The following PAQR5 variants were observed in gnomAD, a reference collection of about 807,000 sequenced individuals.
PAQR5 encodes the protein progestin and adipoQ receptor family member 5.
In PAQR5, 20 loss-of-function variants were observed where a neutral mutation model predicts 34.5. The ratio of observed to expected loss-of-function variants is 0.58; its 90% CI spans 0.41 to 0.84. The LOEUF is 0.84. Among genes scored for constraint, PAQR5 ranks in the 40% least tolerant of loss-of-function variants. The pLI is 0.00. For synonymous variants in PAQR5, 131 were observed against 155.6 expected, an observed-to-expected ratio of 0.84 and a Z score of 1.18; for missense variants, 378 against 412.7, an observed-to-expected ratio of 0.92 and a Z score of 0.73.
At chr15:69,369,298 G>T (rs2055489665) in intron 3 of PAQR5, among the ~76,000 whole-genome samples, 1 of 152,158 alleles carries the variant, frequency 6.6e-6, no homozygotes, top group African/African-American at 2.4e-5. Flanking sequence ...CACTTTGGGA[G>T]GCCAAGGCAG....
chr15:69,330,741 T>C (rs565463081), intron 1 of PAQR5, among the ~76,000 whole-genome samples: 4 of 152,320 alleles, frequency 2.6e-5, no homozygotes, highest in Non-Finnish European at 2.9e-5. Flanking sequence ...GGAGACTTAT[T>C]TGAGTAATGA....
intron 1 of PAQR5, among the ~76,000 whole-genome samples, chr15:69,310,636 G>A (rs904165429): frequency 6.6e-6 from 1 of 152,084 alleles, no homozygotes; most frequent in Non-Finnish European, 1.5e-5. Flanking sequence ...TTGAAGTATT[G>A]GAGAAACTAG....
At chr15:69,322,762 A>AGGG (rs1566997916) in intron 1 of PAQR5, among the ~76,000 whole-genome samples, 593 of 46,768 alleles carry the variant, frequency 0.013, 14 homozygotes, top group Non-Finnish European at 0.019. Flanking sequence ...GAAGAAGAAG[A>AGGG]AGAAGAAGAG....
intron 5 of PAQR5, among the ~76,000 whole-genome samples, chr15:69,388,669 G>A (rs1451850928): frequency 6.6e-6 from 1 of 152,262 alleles, no homozygotes; most frequent in East Asian, 1.9e-4. Flanking sequence ...GCTGCAGCTG[G>A]GAGTATGGGA....
intron 1 of PAQR5, among the ~76,000 whole-genome samples, chr15:69,312,342 G>T (rs945929211): frequency 1.3e-5 from 2 of 151,990 alleles, no homozygotes; most frequent in Admixed American, 6.6e-5. Context: ...GGGCTTGAAG[G>T]TGCCTATGAT....
intron 1 of PAQR5, among the ~76,000 whole-genome samples, chr15:69,308,957 G>C (rs754322652): frequency 3.5e-4 from 53 of 152,166 alleles, no homozygotes; most frequent in Admixed American, 1.4e-3. Context: ...GTTTGGACAT[G>C]AGAGTGCTAA....
At chr15:69,378,148 C>T (rs2055761358) in intron 3 of PAQR5, among the ~76,000 whole-genome samples, 1 of 151,144 alleles carries the variant, frequency 6.6e-6, no homozygotes, top group Non-Finnish European at 1.5e-5. Context: ...CTTGTAATCC[C>T]CGCTACCCGA....
At chr15:69,325,769 C>T (rs752244663) in intron 1 of PAQR5, among the ~76,000 whole-genome samples, 1 of 152,156 alleles carries the variant, frequency 6.6e-6, no homozygotes, top group Non-Finnish European at 1.5e-5. Context: ...AAACACGTGA[C>T]CCCTCCTGTC....
chr15:69,397,745 G>C, intron 7 of PAQR5, 181 bp downstream of exon 7: 1 of 613,298 alleles, frequency 1.6e-6, no homozygotes, highest in Non-Finnish European at 2.9e-6. Context: ...GGTGGGACGA[G>C]AGACTGAGAA....
At chr15:69,379,791 G>A in intron 3 of PAQR5, 92 bp from the exon 4 acceptor site, 1 of 1,485,090 alleles carries the variant, frequency 6.7e-7, no homozygotes, top group Non-Finnish European at 9.1e-7. Context: ...AGCGTTCCAG[G>A]CACACAGAGC....
At chr15:69,352,966 A>G (rs75286706) in intron 2 of PAQR5, among the ~76,000 whole-genome samples, 5,280 of 152,304 alleles carry the variant, frequency 0.035, 181 homozygotes, top group East Asian at 0.12. Context: ...GGAGGACTTT[A>G]ATAATCAAGT....
At chr15:69,328,359 G>A (rs535625114) in intron 1 of PAQR5, among the ~76,000 whole-genome samples, 2 of 152,308 alleles carry the variant, frequency 1.3e-5, no homozygotes, top group South Asian at 2.1e-4. Flanking sequence ...CATGTTCAAG[G>A]GCACCAGTTA....
intron 1 of PAQR5, among the ~76,000 whole-genome samples, chr15:69,324,753 C>T (rs1193695302): frequency 2.0e-5 from 3 of 152,146 alleles, no homozygotes; most frequent in African/African-American, 4.8e-5. Context: ...CCATACCCTG[C>T]GTACTTCCGT....
chr15:69,360,114 A>G lies in PAQR5; in HGVS notation c.34A>G (p.Ile12Val), dbSNP rs2055193573. 1 of 1,613,436 alleles carries G rather than the reference A, an allele frequency of 6.2e-7. No homozygotes were observed. Among genetic ancestry groups the G allele is most frequent in the African/African-American group, 1.3e-5 (1 of 74,908 alleles). Residue 12 changes from isoleucine to valine, a missense_variant, in exon 3 of 9, where the codon ATA (isoleucine) becomes GTA (valine). Coordinates refer to ENST00000395407, the MANE Select transcript of PAQR5 (RefSeq NM_017705.4). The stretch of plus-strand genomic sequence containing the variant: ...CCTGAAGCTCCCCAGGCTGTTTAGC[A>G]TAGACCAGATACCCCAGGTATGTGC... The part of the protein sequence containing the change: ...LSLKLPRLFS[I>V]DQIPQVFHEQ...
At position 69,389,730 on chromosome 15, in the gene PAQR5, C is replaced by G; in HGVS notation, c.462C>G (p.Ala154=). The stretch of plus-strand genomic sequence containing the variant: ...CCACTTTCCATGACTACTACGTGGC[C>G]CTGGCTGTACTGAACACCATCCTCA... ...MCTTFHDYYV[A]LAVLNTILST... The change falls in exon 6 of 9, where the codon GCC becomes GCG. Residue 154 remains alanine, a synonymous_variant. Transcript: ENST00000395407. 6.2e-7 allele frequency: 1 copy of G among 1,614,194 alleles called. No homozygotes were observed. The highest frequency in any genetic ancestry group is 1.7e-5 in the Admixed American group (1 of 60,026).
intron 2 of PAQR5, among the ~76,000 whole-genome samples, chr15:69,357,563 C>T (rs1386967236): frequency 4.6e-5 from 7 of 152,180 alleles, no homozygotes; most frequent in Admixed American, 3.9e-4. Flanking sequence ...CACACTTGGC[C>T]TCAGGTATTT....
At chr15:69,394,115 TTTTG>T (rs1037078850) in intron 6 of PAQR5, among the ~76,000 whole-genome samples, 1 of 151,728 alleles carries the variant, frequency 6.6e-6, no homozygotes, top group Non-Finnish European at 1.5e-5. Flanking sequence ...TTTTTTTGTT[TTTTG>T]TTTTTTTTTT....
chr15:69,335,550 T>TTG (rs2054495108), intron 1 of PAQR5, among the ~76,000 whole-genome samples: 1 of 131,304 alleles, frequency 7.6e-6, no homozygotes, highest in Non-Finnish European at 1.6e-5. Flanking sequence ...CAGTTTTTTT[T>TTG]TTTTTTTTTT....
intron 3 of PAQR5, 69 bp from the exon 4 acceptor site, chr15:69,379,814 A>G: frequency 3.2e-6 from 5 of 1,562,066 alleles, no homozygotes; most frequent in Non-Finnish European, 4.3e-6. Context: ...GGCCTGGAAG[A>G]TGTTTCTCCA....
Sources: allele counts gnomAD v4.1 joint callset (sites outside exome capture counted in the v4.1 genomes callset), GRCh38; gene constraint gnomAD v4.1.1; transcripts MANE v1.5; gene names NCBI Gene and HGNC (gene_info 2026-07-23, HGNC 2026-07-21).